FARP1: variants seen among roughly 807,000 people sequenced by gnomAD.
FARP1 encodes FERM, ARH/RhoGEF and pleckstrin domain protein 1.
FARP1 carries 52 observed loss-of-function variants against 128.8 expected under a neutral mutation model. The observed-to-expected ratio is 0.40, with a 90% CI of 0.32 to 0.51. The LOEUF (loss-of-function observed/expected upper bound fraction) is 0.51. Ranked by LOEUF, FARP1 falls within the 20% of genes least tolerant of loss-of-function variation. FARP1 has a pLI of 0.45. For missense variants in FARP1, 1,333 were observed against 1,367.9 expected (o/e 0.97, Z 0.40); for synonymous variants, 580 against 551.8 (o/e 1.05, Z -0.72).
chr13:98,366,098 C>G (rs903219901), intron 4 of FARP1, among the ~76,000 whole-genome samples: 2 of 152,140 alleles, frequency 1.3e-5, no homozygotes, highest in Non-Finnish European at 2.9e-5. Flanking sequence ...GCATCAAGCT[C>G]TGGTCCCAAT....
chr13:98,409,193 A>C, intron 13 of FARP1, 145 bp from the exon 14 acceptor site: 1 of 639,544 alleles, frequency 1.6e-6, no homozygotes, highest in East Asian at 2.8e-5. Context: ...TTAGGAAAAA[A>C]ACTAGAAAAT....
intron 2 of FARP1, among the ~76,000 whole-genome samples, chr13:98,216,219 C>T (rs994298403): frequency 1.3e-5 from 2 of 152,166 alleles, no homozygotes; most frequent in African/African-American, 2.4e-5. Context: ...GTCAGTACCT[C>T]ATGCTGTTTA....
At chr13:98,272,714 C>G (rs571136021) in intron 2 of FARP1, among the ~76,000 whole-genome samples, 1 of 152,240 alleles carries the variant, frequency 6.6e-6, no homozygotes, top group East Asian at 1.9e-4. Flanking sequence ...TGTCTTCTGT[C>G]AGGAGGGCTG....
chr13:98,315,076 C>A (rs920219013), intron 2 of FARP1, among the ~76,000 whole-genome samples: 1 of 152,138 alleles, frequency 6.6e-6, no homozygotes, highest in African/African-American at 2.4e-5. Context: ...GCTCTTTGGG[C>A]CTTCTCAGAT....
chr13:98,246,056 T>C (rs1329019779), intron 2 of FARP1, among the ~76,000 whole-genome samples: 3 of 140,072 alleles, frequency 2.1e-5, no homozygotes, highest in Admixed American at 7.6e-5. Context: ...GGATTACAGG[T>C]GTGAGCCACT....
Position 98,450,021 on chromosome 13 carries a change from T to G in FARP1, c.*1704T>G, listed in dbSNP as rs1474754195. 2 of 139,728 alleles carry G rather than the reference T, an allele frequency of 1.4e-5. No individual in the cohort carries two copies. Among genetic ancestry groups the G allele is most frequent in the African/African-American group, 5.2e-5 (2 of 38,436 alleles). The allele number at this position is 139,728 out of a possible 1,614,324, so 8.7% of individuals were successfully genotyped here. A position where few individuals can be genotyped will look rare whatever the true frequency, so the allele number is the denominator to read the frequency against. On this transcript the variant is annotated 3_prime_UTR_variant, in exon 27 of 27. Transcript: ENST00000319562. Reference sequence around the variant, plus strand: ...GAGACTTGGGGACAAGGCAGTCTCCTCAGCTATTTATTTCTGAATGATTGA... The same window carrying G: ...GAGACTTGGGGACAAGGCAGTCTCCGCAGCTATTTATTTCTGAATGATTGA...
intron 6 of FARP1, 190 bp from the exon 7 acceptor site, chr13:98,384,540 C>T: frequency 1.7e-6 from 1 of 595,426 alleles, no homozygotes; most frequent in South Asian, 2.1e-5. Context: ...AGAAAACTGT[C>T]TTCTCACATC....
chr13:98,360,491 C>G (rs1888827709), intron 3 of FARP1, among the ~76,000 whole-genome samples: 2 of 152,264 alleles, frequency 1.3e-5, no homozygotes, highest in Middle Eastern at 6.8e-3. Flanking sequence ...AATGCTCGCA[C>G]AGGGGAAAGA....
At chr13:98,434,389 G>T (rs1300961670) in intron 18 of FARP1, 1 of 152,226 alleles carries the variant, frequency 6.6e-6, no homozygotes, top group Non-Finnish European at 1.5e-5. Flanking sequence ...CGCATTCTCT[G>T]ATAAGCCTGG....
intron 25 of FARP1, 32 bp downstream of exon 25, chr13:98,446,237 G>T: frequency 3.5e-6 from 5 of 1,444,896 alleles, no homozygotes; most frequent in Non-Finnish European, 4.9e-6. Flanking sequence ...GGTGGCCCTG[G>T]GACCTTGGGG....
At chr13:98,183,630 C>T (rs747360373) in intron 1 of FARP1, among the ~76,000 whole-genome samples, 9 of 152,226 alleles carry the variant, frequency 5.9e-5, no homozygotes, top group African/African-American at 9.6e-5. Flanking sequence ...TTTTTACAAA[C>T]GCACCTTATT....
intron 1 of FARP1, among the ~76,000 whole-genome samples, chr13:98,186,685 G>A (rs992879363): frequency 1.3e-5 from 2 of 151,808 alleles, no homozygotes; most frequent in African/African-American, 4.8e-5. Flanking sequence ...TCTACGTTTT[G>A]GCTGTTGTGA....
chr13:98,405,177 C>T (rs1240574926), intron 13 of FARP1: 1 of 152,178 alleles, frequency 6.6e-6, no homozygotes. Context: ...ATAAAGTCTC[C>T]TCCCACTGCC....
In FARP1 at chr13:98,143,880, C is replaced by G. The variant is rs529916109; in HGVS notation, c.-24+388C>G. 4.7e-3 allele frequency among the ~76,000 whole-genome samples: 712 copies of G among 151,930 alleles called. 3 individuals are homozygous for G. Among genetic ancestry groups the G allele is most frequent in the African/African-American group, 0.016 (652 of 41,516 alleles). The stretch of plus-strand genomic sequence containing the variant: ...CTGGACGCCGCTTCCGGACCTCGGG[C>G]CGCAATCTCGGCCCCTGAGGCCGGT... On this transcript the variant is annotated intron_variant, in intron 1 of 26. Coordinates refer to ENST00000319562, the MANE Select transcript of FARP1 (RefSeq NM_005766.4).
intron 13 of FARP1, chr13:98,402,042 G>A (rs1890793501): frequency 6.6e-6 from 1 of 152,208 alleles, no homozygotes; most frequent in African/African-American, 2.4e-5. Flanking sequence ...CTGTTTGAAA[G>A]TAGGGAAGAT....
chr13:98,356,735 T>A (rs1189993006), intron 3 of FARP1, among the ~76,000 whole-genome samples: 1 of 151,990 alleles, frequency 6.6e-6, no homozygotes, highest in African/African-American at 2.4e-5. Flanking sequence ...GCCTTCCAGG[T>A]TCCAGTGATT....
chr13:98,295,190 G>A (rs1468523198), intron 2 of FARP1, among the ~76,000 whole-genome samples: 4 of 151,714 alleles, frequency 2.6e-5, no homozygotes, highest in Non-Finnish European at 5.9e-5. Flanking sequence ...TTAAATGAAA[G>A]GGATTCATGT....
chr13:98,363,158 G>C (rs775033574), intron 3 of FARP1, among the ~76,000 whole-genome samples: 1 of 152,126 alleles, frequency 6.6e-6, no homozygotes, highest in Non-Finnish European at 1.5e-5. Context: ...AGGACCAAGC[G>C]TCTGAATGTG....
chr13:98,359,361 T>C (rs1378048192), intron 3 of FARP1, among the ~76,000 whole-genome samples: 3 of 152,194 alleles, frequency 2.0e-5, no homozygotes, highest in Non-Finnish European at 4.4e-5. Context: ...AAATAACTGA[T>C]TATCTTTTAA....
Sources: allele counts gnomAD v4.1 joint callset (sites outside exome capture counted in the v4.1 genomes callset), GRCh38; gene constraint gnomAD v4.1.1; transcripts MANE v1.5; gene names NCBI Gene and HGNC (gene_info 2026-07-23, HGNC 2026-07-21).